CALN1: variants seen among roughly 807,000 people sequenced by gnomAD.
CALN1 encodes calcium-binding protein 8.
In CALN1, 17 loss-of-function variants were observed where a neutral mutation model predicts 30.6. That is an observed-to-expected ratio of 0.56 (90% CI 0.38 to 0.83). CALN1 has a LOEUF of 0.83. Among genes scored for constraint, CALN1 ranks in the 40% least tolerant of loss-of-function variants. The pLI is 0.00. For synonymous variants in CALN1, 156 were observed against 131.4 expected (o/e 1.19, Z -1.28); for missense variants, 291 against 354.9 (o/e 0.82, Z 1.45).
At chr7:72,229,754 G>A (rs951295460) in intron 3 of CALN1, among the ~76,000 whole-genome samples, 1 of 151,904 alleles carries the variant, frequency 6.6e-6, no homozygotes, top group African/African-American at 2.4e-5. Context: ...GACACAGGGA[G>A]GGGAACATCA....
At chr7:72,157,470 T>C (rs1332482883) in intron 3 of CALN1, among the ~76,000 whole-genome samples, 1 of 151,764 alleles carries the variant, frequency 6.6e-6, no homozygotes, top group African/African-American at 2.4e-5. Flanking sequence ...GAGAGAAAGG[T>C]CCGGAAAGTT....
At chr7:72,423,111 A>C (rs910380673) in intron 1 of CALN1, among the ~76,000 whole-genome samples, 12 of 151,032 alleles carry the variant, frequency 7.9e-5, no homozygotes, top group Non-Finnish European at 1.6e-4. Flanking sequence ...TCCATCTCAA[A>C]AAAAAAAAAA....
chr7:72,324,660 C>T (rs533577847), intron 2 of CALN1, among the ~76,000 whole-genome samples: 45 of 152,096 alleles, frequency 3.0e-4, no homozygotes, highest in Admixed American at 1.8e-3. Flanking sequence ...TGGCTCACTG[C>T]AACCTCCGCC....
At chr7:72,489,310 G>A in the CALN1 span, among the ~76,000 whole-genome samples, 1 of 152,216 alleles carries the variant, frequency 6.6e-6, no homozygotes, top group East Asian at 1.9e-4. Flanking sequence ...CTGAGTACCT[G>A]TGATCCCAGC....
chr7:72,207,732 C>T (rs575609009), intron 3 of CALN1, among the ~76,000 whole-genome samples: 2 of 152,294 alleles, frequency 1.3e-5, no homozygotes, highest in African/African-American at 2.4e-5. Context: ...AATTAACAGA[C>T]ACACAATGCA....
chr7:71,827,229 G>A lies in CALN1; in HGVS notation c.502-16737C>T, dbSNP rs368029019. ...AGCTAAGCCCATTGGTGGGTCCTCC[G>A]GCGGCAAATCTGAGAAGGGATGGCC... On this transcript the variant is annotated intron_variant, in intron 5 of 6. Transcript: ENST00000395275. Among the ~76,000 whole-genome samples, 9 of 152,242 alleles carry A rather than the reference G, an allele frequency of 5.9e-5. 1 individual carries two copies. The South Asian group carries it at 1.0e-3, about 18-fold the overall frequency.
At chr7:71,950,441 C>G (rs934629578) in intron 5 of CALN1, among the ~76,000 whole-genome samples, 1 of 152,144 alleles carries the variant, frequency 6.6e-6, no homozygotes, top group Non-Finnish European at 1.5e-5. Context: ...ACCTAGGCAT[C>G]ATCTTTGATT....
intron 2 of CALN1, among the ~76,000 whole-genome samples, chr7:72,283,903 T>G (rs1045552832): frequency 2.0e-5 from 3 of 152,118 alleles, no homozygotes; most frequent in African/African-American, 7.2e-5. Flanking sequence ...CTGGCTGAAT[T>G]GTCATATCAA....
At chr7:72,131,774 G>A (rs1157505163) in intron 3 of CALN1, among the ~76,000 whole-genome samples, 6 of 152,080 alleles carry the variant, frequency 3.9e-5, no homozygotes, top group Admixed American at 3.9e-4. Context: ...GTCAGCCTTC[G>A]TTGTCCCTTC....
At chr7:72,219,591 A>T (rs1793107747) in intron 3 of CALN1, among the ~76,000 whole-genome samples, 1 of 151,916 alleles carries the variant, frequency 6.6e-6, no homozygotes, top group Admixed American at 6.6e-5. Context: ...AACATGTAGT[A>T]CTCCTTGATA....
chr7:72,309,337 C>G (rs1245505504), intron 2 of CALN1, among the ~76,000 whole-genome samples: 3 of 152,154 alleles, frequency 2.0e-5, no homozygotes, highest in South Asian at 2.1e-4. Context: ...ACATACACAT[C>G]AGTCTGTGTG....
intron 3 of CALN1, among the ~76,000 whole-genome samples, chr7:72,234,293 G>A (rs1250021551): frequency 3.9e-5 from 6 of 152,138 alleles, no homozygotes; most frequent in Non-Finnish European, 8.8e-5. Flanking sequence ...GCCCAGCCAA[G>A]ATTAGACTCT....
upstream of CALN1, among the ~76,000 whole-genome samples, chr7:72,415,819 G>A (rs2129563449): frequency 1.3e-5 from 2 of 152,308 alleles, no homozygotes; most frequent in Middle Eastern, 6.8e-3. Context: ...TGCGCTACTG[G>A]ACGGTGACAC....
chr7:72,384,430 A>C (rs1321054089), intron 2 of CALN1, among the ~76,000 whole-genome samples: 1 of 152,178 alleles, frequency 6.6e-6, no homozygotes, highest in Non-Finnish European at 1.5e-5. Context: ...AAGAAAATGA[A>C]CCTAAATATA....
intron 6 of CALN1, among the ~76,000 whole-genome samples, chr7:71,809,908 C>T (rs1214449021): frequency 6.6e-6 from 1 of 151,662 alleles, no homozygotes; most frequent in East Asian, 1.9e-4. Flanking sequence ...TGTAATCATC[C>T]TGATGTTTAT....
chr7:71,814,914 A>G (rs1176459032), intron 5 of CALN1, among the ~76,000 whole-genome samples: 1 of 151,274 alleles, frequency 6.6e-6, no homozygotes. Flanking sequence ...GCTCACTGTA[A>G]TCTCCGCCTC....
At chr7:71,896,323 T>A (rs1203439199) in intron 5 of CALN1, among the ~76,000 whole-genome samples, 3 of 152,118 alleles carry the variant, frequency 2.0e-5, no homozygotes. Flanking sequence ...TCACCAAATA[T>A]CATCTCTCTT....
chr7:72,035,616 T>G (rs947891675), intron 4 of CALN1, among the ~76,000 whole-genome samples: 1 of 152,194 alleles, frequency 6.6e-6, no homozygotes, highest in African/African-American at 2.4e-5. Flanking sequence ...TTGTGTATAT[T>G]TTATATCTAT....
At chr7:71,905,248 AT>A (rs1368190221) in intron 5 of CALN1, among the ~76,000 whole-genome samples, 2 of 151,914 alleles carry the variant, frequency 1.3e-5, no homozygotes, top group Non-Finnish European at 2.9e-5. Flanking sequence ...CTATTTATTT[AT>A]TTTTTAAAAT....
Sources: gnomAD v4.1 joint callset for allele counts (sites outside exome capture counted in the v4.1 genomes callset) on GRCh38, gnomAD v4.1.1 for gene constraint, MANE v1.5 for transcripts, NCBI Gene and HGNC (gene_info 2026-07-23, HGNC 2026-07-21) for gene names.